The following ENTREP2 variants were observed in gnomAD, a reference collection of about 807,000 sequenced individuals.
The protein encoded by ENTREP2 is endosomal transmembrane epsin interactor 2.
the ENTREP2 span, among the ~76,000 whole-genome samples, chr15:29,466,415 C>T: frequency 5.9e-5 from 9 of 151,368 alleles, no homozygotes; most frequent in Admixed American, 5.9e-4. Flanking sequence ...CTGCAGCCCC[C>T]AGGGGAGGAC....
At chr15:29,207,316 C>T in the ENTREP2 span, among the ~76,000 whole-genome samples, 7 of 152,154 alleles carry the variant, frequency 4.6e-5, no homozygotes, top group Non-Finnish European at 7.4e-5. Flanking sequence ...AGAATGAGGC[C>T]GCAGACGTTC....
chr15:29,478,084 G>A, the ENTREP2 span, among the ~76,000 whole-genome samples: 2 of 136,340 alleles, frequency 1.5e-5, no homozygotes, highest in African/African-American at 5.6e-5. Context: ...GAGTGCAGTG[G>A]CGTGATCTCA....
At chr15:29,642,092 A>G in the ENTREP2 span, among the ~76,000 whole-genome samples, 1 of 152,162 alleles carries the variant, frequency 6.6e-6, no homozygotes, top group Non-Finnish European at 1.5e-5. Flanking sequence ...AATTCCTATC[A>G]AAATCCCAGC....
At chr15:29,327,410 C>G in the ENTREP2 span, among the ~76,000 whole-genome samples, 24 of 152,092 alleles carry the variant, frequency 1.6e-4, no homozygotes, top group South Asian at 4.2e-3. Context: ...CTGGCTAACA[C>G]AGTGAAACCC....
chr15:29,242,588 G>A, the ENTREP2 span, among the ~76,000 whole-genome samples: 2 of 152,248 alleles, frequency 1.3e-5, no homozygotes, highest in African/African-American at 4.8e-5. Context: ...AATTTCCTAA[G>A]GGGCTCTTCA....
At chr15:29,577,240 A>T in the ENTREP2 span, among the ~76,000 whole-genome samples, 2 of 151,856 alleles carry the variant, frequency 1.3e-5, no homozygotes, top group African/African-American at 4.8e-5. Flanking sequence ...TGGCATGGTG[A>T]CCCCTCAAAA....
chr15:29,371,648 A>C, the ENTREP2 span, among the ~76,000 whole-genome samples: 2 of 152,180 alleles, frequency 1.3e-5, no homozygotes, highest in African/African-American at 4.8e-5. Context: ...TTGCTATGAA[A>C]AAAAGCAATT....
the ENTREP2 span, among the ~76,000 whole-genome samples, chr15:29,148,386 G>C: frequency 3.3e-5 from 5 of 152,140 alleles, no homozygotes; most frequent in African/African-American, 1.2e-4. Flanking sequence ...GAATCCACAA[G>C]GAATTGCTTC....
At chr15:29,210,997 G>A in the ENTREP2 span, among the ~76,000 whole-genome samples, 1 of 152,100 alleles carries the variant, frequency 6.6e-6, no homozygotes, top group Non-Finnish European at 1.5e-5. Flanking sequence ...TGCAATCCAT[G>A]GGTATGAACT....
At chr15:29,373,954 C>T in the ENTREP2 span, 1 of 151,924 alleles carries the variant, frequency 6.6e-6, no homozygotes, top group Admixed American at 6.6e-5. Context: ...ATCTAATTTT[C>T]ATAAAAATAT....
the ENTREP2 span, among the ~76,000 whole-genome samples, chr15:29,179,807 G>A: frequency 1.3e-5 from 2 of 151,898 alleles, no homozygotes; most frequent in Admixed American, 6.5e-5. Context: ...GGATGGTCTC[G>A]ATCTCCTGAT....
At chr15:29,601,493 G>A in the ENTREP2 span, among the ~76,000 whole-genome samples, 2 of 138,996 alleles carry the variant, frequency 1.4e-5, no homozygotes, top group African/African-American at 2.7e-5. Flanking sequence ...TTTTTGTCAT[G>A]ACCTTTTCCC....
chr15:29,239,538 T>A, the ENTREP2 span, among the ~76,000 whole-genome samples: 1 of 152,142 alleles, frequency 6.6e-6, no homozygotes, highest in Non-Finnish European at 1.5e-5. Flanking sequence ...CCAGAAAGCC[T>A]GGAGCAAGTC....
chr15:29,260,598 C>A, the ENTREP2 span, among the ~76,000 whole-genome samples: 2 of 152,150 alleles, frequency 1.3e-5, no homozygotes, highest in Admixed American at 6.5e-5. Flanking sequence ...TTCAGAGACA[C>A]GTGCCAAAAT....
At chr15:29,184,307 C>T in the ENTREP2 span, among the ~76,000 whole-genome samples, 1 of 152,152 alleles carries the variant, frequency 6.6e-6, no homozygotes, top group Non-Finnish European at 1.5e-5. Flanking sequence ...TTTAAGGGTG[C>T]AGTGCTCAAC....
At chr15:29,478,887 GAAAAT>G in the ENTREP2 span, among the ~76,000 whole-genome samples, 1 of 143,750 alleles carries the variant, frequency 7.0e-6, no homozygotes, top group Non-Finnish European at 1.5e-5. Context: ...AAAAAAAATT[GAAAAT>G]AATAATAAAA....
At chr15:29,580,970 C>T in the ENTREP2 span, among the ~76,000 whole-genome samples, 3 of 152,112 alleles carry the variant, frequency 2.0e-5, no homozygotes, top group Non-Finnish European at 4.4e-5. Flanking sequence ...CAAGACATTA[C>T]CCTAAGCCAT....
the ENTREP2 span, among the ~76,000 whole-genome samples, chr15:29,528,348 A>G: frequency 2.0e-5 from 3 of 152,064 alleles, no homozygotes; most frequent in African/African-American, 4.8e-5. Context: ...CCAAAAAAAA[A>G]AAAAAATAGG....
At chr15:29,486,905 A>C in the ENTREP2 span, among the ~76,000 whole-genome samples, 2 of 152,054 alleles carry the variant, frequency 1.3e-5, no homozygotes, top group Non-Finnish European at 2.9e-5. Context: ...TGAGGGGAGG[A>C]TGATGAGAGG....
Sources: allele counts gnomAD v4.1 joint callset (sites outside exome capture counted in the v4.1 genomes callset), GRCh38; gene constraint gnomAD v4.1.1; transcripts MANE v1.5; gene names NCBI Gene and HGNC (gene_info 2026-07-23, HGNC 2026-07-21).